Variants in RBFOX1 observed in about 807,000 individuals in gnomAD.
RBFOX1 encodes the protein RNA binding protein fox-1 homolog 1.
Under a neutral mutation model 57.7 loss-of-function variants are expected in RBFOX1, and 8 were observed. That is an observed-to-expected ratio of 0.14 (90% confidence interval 0.08 to 0.25). RBFOX1 has a LOEUF of 0.25. Ranked by LOEUF, RBFOX1 falls within the 10% of genes least tolerant of loss-of-function variation. RBFOX1 has a pLI of 1.00. For missense variants in RBFOX1, 611 were observed against 548.5 expected, an observed-to-expected ratio of 1.11 and a Z score of -1.14; for synonymous variants, 326 against 222.4, an observed-to-expected ratio of 1.47 and a Z score of -4.15.
chr16:7,438,121 G>A (rs189281684), intron 4 of RBFOX1, among the ~76,000 whole-genome samples: 21 of 152,240 alleles, frequency 1.4e-4, no homozygotes, highest in Admixed American at 6.5e-4. Flanking sequence ...TAAAATACAA[G>A]TAAATCTTGG....
At chr16:7,458,085 C>T (rs1051607262) in intron 4 of RBFOX1, among the ~76,000 whole-genome samples, 6 of 152,134 alleles carry the variant, frequency 3.9e-5, no homozygotes, top group Non-Finnish European at 5.9e-5. Context: ...CCTTCCAAAT[C>T]AGAACAAAGC....
intron 3 of RBFOX1, among the ~76,000 whole-genome samples, chr16:6,866,431 C>T (rs955286905): frequency 4.0e-5 from 6 of 150,616 alleles, no homozygotes; most frequent in African/African-American, 1.2e-4. Context: ...CTTCTAGTGT[C>T]TTTCCCATCT....
At chr16:6,829,811 A>C (rs1436852689) in intron 3 of RBFOX1, among the ~76,000 whole-genome samples, 1 of 152,196 alleles carries the variant, frequency 6.6e-6, no homozygotes, top group Non-Finnish European at 1.5e-5. Context: ...CACGTTGGCC[A>C]GGCTGGTATC....
intron 3 of RBFOX1, among the ~76,000 whole-genome samples, chr16:7,044,431 C>T (rs777029317): frequency 3.3e-5 from 5 of 152,140 alleles, no homozygotes; most frequent in African/African-American, 7.2e-5. Flanking sequence ...AGTGAGAAAG[C>T]GTCTTTGGCC....
Position 6,925,109 on chromosome 16 carries a change from G to GTTTTTTTTTTTTT in RBFOX1, c.-15-126918_-15-126906dup, listed in dbSNP as rs57556084. Among the ~76,000 whole-genome samples, 26 of 45,250 alleles carry GTTTTTTTTTTTTT rather than the reference G, an allele frequency of 5.7e-4. 7 individuals carry two copies. The highest frequency in any genetic ancestry group is 1.6e-3 in the African/African-American group (18 of 11,332). 29.7% of individuals were successfully genotyped at this position (45,250 alleles called of 152,430 possible). A position where few individuals can be genotyped will look rare whatever the true frequency, so the allele number is the denominator to read the frequency against. ...TCGTTGTTGGACATCTAGGTTGTTG[G>GTTTTTTTTTTTTT]TTTTTTTTTTTTTTTTTTTTTTTTT... On this transcript the variant is annotated intron_variant, in intron 3 of 15. Coordinates refer to ENST00000550418, the MANE Select transcript of RBFOX1 (RefSeq NM_018723.4).
At position 5,678,765 on chromosome 16, in the gene RBFOX1, A is replaced by G. The variant is rs567824609; in HGVS notation, c.318+79804A>G. Reference sequence around the variant, plus strand: ...TGTGTTTCCAGATGAAGGTGGTGGCATTGTGTGTAGAGTGGTGGCTGCTAA... The same window carrying G: ...TGTGTTTCCAGATGAAGGTGGTGGCGTTGTGTGTAGAGTGGTGGCTGCTAA... On this transcript the variant is annotated intron_variant, in intron 3 of 19. Coordinates refer to the RBFOX1 transcript ENST00000641259. 4.6e-5 allele frequency among the ~76,000 whole-genome samples: 7 copies of G among 152,296 alleles called. No individual in the cohort carries two copies. In the South Asian group the frequency reaches 1.2e-3, roughly 27 times the overall value.
chr16:7,085,502 C>T (rs752382747), intron 4 of RBFOX1, among the ~76,000 whole-genome samples: 2 of 152,138 alleles, frequency 1.3e-5, no homozygotes, highest in Non-Finnish European at 2.9e-5. Context: ...TTGACCGATT[C>T]ACCACCACTG....
At chr16:5,244,113 T>A (rs1261622058) in intron 1 of RBFOX1, among the ~76,000 whole-genome samples, 1 of 152,158 alleles carries the variant, frequency 6.6e-6, no homozygotes, top group Non-Finnish European at 1.5e-5. Context: ...GCCAGGCTGG[T>A]CTCAAACTCC....
At chr16:7,226,580 A>G (rs2093137035) in intron 4 of RBFOX1, among the ~76,000 whole-genome samples, 1 of 152,226 alleles carries the variant, frequency 6.6e-6, no homozygotes, top group South Asian at 2.1e-4. Context: ...AGGGGCCAAC[A>G]TCTGGGGGTT....
At chr16:6,753,713 C>T (rs958227750) in intron 3 of RBFOX1, among the ~76,000 whole-genome samples, 5 of 140,254 alleles carry the variant, frequency 3.6e-5, no homozygotes, top group Non-Finnish European at 7.9e-5. Context: ...TGTCTTGTGT[C>T]TTGTGTCAGA....
At chr16:7,645,969 C>T (rs1407877839) in intron 11 of RBFOX1, among the ~76,000 whole-genome samples, 5 of 145,810 alleles carry the variant, frequency 3.4e-5, no homozygotes, top group South Asian at 2.2e-4. Flanking sequence ...TTTTTTTCTG[C>T]GAAACTCTGA....
chr16:7,250,771 T>C (rs1012732218), intron 4 of RBFOX1, among the ~76,000 whole-genome samples: 4 of 152,202 alleles, frequency 2.6e-5, no homozygotes, highest in African/African-American at 7.2e-5. Flanking sequence ...CTTTATGTCA[T>C]TCTACCAAAG....
intron 1 of RBFOX1, among the ~76,000 whole-genome samples, chr16:6,061,780 C>T (rs763033900): frequency 3.9e-5 from 6 of 152,148 alleles, no homozygotes; most frequent in Non-Finnish European, 7.3e-5. Context: ...ACCAGATGTG[C>T]AGGGTTTTCC....
chr16:7,441,204 C>T (rs1462792100), intron 4 of RBFOX1, among the ~76,000 whole-genome samples: 1 of 152,158 alleles, frequency 6.6e-6, no homozygotes, highest in African/African-American at 2.4e-5. Context: ...GCTGCATGCG[C>T]ATGACTTGGC....
intron 3 of RBFOX1, among the ~76,000 whole-genome samples, chr16:6,956,947 T>C (rs1272395659): frequency 1.3e-5 from 2 of 152,122 alleles, no homozygotes; most frequent in Non-Finnish European, 2.9e-5. Context: ...TGAGAGTTTT[T>C]GGATTTCACA....
At chr16:6,544,364 C>A (rs1259122321) in intron 2 of RBFOX1, among the ~76,000 whole-genome samples, 1 of 152,140 alleles carries the variant, frequency 6.6e-6, no homozygotes, top group African/African-American at 2.4e-5. Context: ...CACCTTTTCC[C>A]CTCTTGCAAT....
Position 5,507,382 on chromosome 16 carries a change from G to C in RBFOX1, c.258+40128G>C, listed in dbSNP as rs924700652. Among the ~76,000 whole-genome samples, 7 of 152,214 alleles carry C rather than the reference G, an allele frequency of 4.6e-5. No homozygotes were observed. In the East Asian group the frequency reaches 1.4e-3, roughly 29 times the overall value. On this transcript the variant is annotated intron_variant, in intron 2 of 2. Coordinates refer to the RBFOX1 transcript ENST00000585867. ...GATTGTCTTGGCTTTGTTCCCCCCA[G>C]TTTCTCCATCAGTGGGTGGCACACA... is the stretch of plus-strand genomic sequence containing the variant.
chr16:7,678,317 T>G (rs913323412), intron 14 of RBFOX1, among the ~76,000 whole-genome samples: 1 of 152,080 alleles, frequency 6.6e-6, no homozygotes, highest in East Asian at 1.9e-4. Flanking sequence ...ATTAGGAAAG[T>G]AGAGAGGGTC....
Position 7,185,743 on chromosome 16 carries a change from C to T in RBFOX1, c.27+133645C>T, listed in dbSNP as rs909564200. On this transcript the variant is annotated intron_variant, in intron 4 of 15. Transcript: ENST00000550418. ...AGTGGTAAATGAGGCACATAAATGT[C>T]GAGATATTGAATTCCTTCTGAAACT... Among the ~76,000 whole-genome samples, 5 of 152,230 alleles carry T rather than the reference C, an allele frequency of 3.3e-5. No homozygotes were observed. In the South Asian group the frequency reaches 8.3e-4, roughly 25 times the overall value.
Sources: allele counts gnomAD v4.1 joint callset (sites outside exome capture counted in the v4.1 genomes callset), GRCh38; gene constraint gnomAD v4.1.1; transcripts MANE v1.5; gene names NCBI Gene and HGNC (gene_info 2026-07-23, HGNC 2026-07-21).